The following ZNF43 variants were observed in gnomAD, a reference collection of about 807,000 sequenced individuals.
ZNF43 encodes the protein zinc finger protein 43.
In ZNF43, 44 loss-of-function variants were observed where a neutral mutation model predicts 68.4. That is an observed-to-expected ratio of 0.64 (90% CI 0.51 to 0.83). The LOEUF (loss-of-function observed/expected upper bound fraction) is 0.83. Among genes scored for constraint, ZNF43 ranks in the 40% least tolerant of loss-of-function variants. ZNF43 has a pLI of 0.00. For missense variants in ZNF43, 896 were observed against 933.2 expected (o/e 0.96, Z 0.52); for synonymous variants, 308 against 307.8 (o/e 1.00, Z -0.01).
chr19:21,842,407 CA>C (rs34565458), intron 1 of ZNF43, among the ~76,000 whole-genome samples: 51,141 of 117,376 alleles, frequency 0.44, 10,940 homozygotes, highest in African/African-American at 0.65. Context: ...GACTCCATCT[CA>C]AAAAAAAAAA....
In ZNF43 at chr19:21,815,138, G is replaced by A. The variant is rs149227899; in HGVS notation, c.229+2750C>T. Among the ~76,000 whole-genome samples, 345 of 151,144 alleles carry A rather than the reference G, an allele frequency of 2.3e-3. 16 individuals are homozygous for A. In the East Asian group the frequency reaches 0.06, roughly 26 times the overall value. On this transcript the variant is annotated intron_variant, in intron 3 of 3. Transcript: ENST00000354959. ...GGAGGGGCGGAGGTTGCAGTGAGCCGAGATCATGCCATTGCACTCCAGCCT... is the reference window on the plus strand; with the variant it reads ...GGAGGGGCGGAGGTTGCAGTGAGCCAAGATCATGCCATTGCACTCCAGCCT...
At chr19:21,827,999 C>T (rs1184627562) in intron 1 of ZNF43, among the ~76,000 whole-genome samples, 1 of 152,028 alleles carries the variant, frequency 6.6e-6, no homozygotes, top group Non-Finnish European at 1.5e-5. Context: ...GCCACCTGAC[C>T]TGTTTTTATC....
intron 3 of ZNF43, chr19:21,812,152 A>T (rs1432840021): frequency 2.7e-6 from 1 of 374,716 alleles, no homozygotes; most frequent in Non-Finnish European, 4.7e-6. Flanking sequence ...TTTGAGACGG[A>T]GTCTCACTCT....
intron 1 of ZNF43, among the ~76,000 whole-genome samples, chr19:21,845,221 C>G (rs1273220989): frequency 2.6e-5 from 4 of 152,008 alleles, no homozygotes; most frequent in African/African-American, 9.7e-5. Flanking sequence ...TATCTGGTTG[C>G]TGATCCCAGT....
At chr19:21,824,759 GAAAGAAA>G (rs2038031581) in intron 1 of ZNF43, among the ~76,000 whole-genome samples, 1 of 142,862 alleles carries the variant, frequency 7.0e-6, no homozygotes, top group Non-Finnish European at 1.5e-5. Flanking sequence ...AAAGAAAAAA[GAAAGAAA>G]AAAGAAATCT....
At chr19:21,840,448 C>T (rs978053277), upstream of ZNF43, 22 of 152,258 alleles carry the variant, frequency 1.4e-4, no homozygotes, top group African/African-American at 4.8e-4. Context: ...ACACAAGTCA[C>T]AATCTCAACG....
At chr19:21,828,367 C>T (rs987405540) in intron 1 of ZNF43, among the ~76,000 whole-genome samples, 9 of 151,978 alleles carry the variant, frequency 5.9e-5, no homozygotes, top group Non-Finnish European at 1.2e-4. Flanking sequence ...ACCACAAGGT[C>T]AGGAGATTGA....
At chr19:21,818,778 C>T (rs1023780052) in intron 2 of ZNF43, among the ~76,000 whole-genome samples, 1 of 152,070 alleles carries the variant, frequency 6.6e-6, no homozygotes, top group Non-Finnish European at 1.5e-5. Flanking sequence ...CTTAATTTCA[C>T]TACCTGGTAA....
chr19:21,817,298 AT>A (rs999475480), intron 3 of ZNF43, among the ~76,000 whole-genome samples: 1 of 152,028 alleles, frequency 6.6e-6, no homozygotes, highest in Non-Finnish European at 1.5e-5. Context: ...TTCCAGTGGG[AT>A]TTTTTTCACA....
intron 1 of ZNF43, among the ~76,000 whole-genome samples, chr19:21,831,347 A>AT (rs1013358211): frequency 1.1e-4 from 17 of 149,662 alleles, no homozygotes; most frequent in South Asian, 2.1e-4. Flanking sequence ...TCAGCAGAAA[A>AT]TTTTTTTTTT....
chr19:21,829,294 T>C (rs1174208296), intron 1 of ZNF43, among the ~76,000 whole-genome samples: 5 of 152,116 alleles, frequency 3.3e-5, no homozygotes, highest in African/African-American at 1.2e-4. Flanking sequence ...GTTTACACAC[T>C]GAACTGTTCT....
chr19:21,846,610 G>A (rs557734584), intron 1 of ZNF43, among the ~76,000 whole-genome samples: 1 of 152,120 alleles, frequency 6.6e-6, no homozygotes, highest in African/African-American at 2.4e-5. Flanking sequence ...ATGTGAGCAG[G>A]GCCAAGAAAA....
chr19:21,819,903 A>G (rs925446565), intron 1 of ZNF43, among the ~76,000 whole-genome samples: 3 of 152,090 alleles, frequency 2.0e-5, no homozygotes, highest in Non-Finnish European at 4.4e-5. Flanking sequence ...TTGCATAAAG[A>G]TTCTTAATAA....
chr19:21,818,030 T>C, intron 2 of ZNF43, 44 bp from the exon 3 acceptor site: 1 of 1,560,192 alleles, frequency 6.4e-7, no homozygotes, highest in Non-Finnish European at 8.8e-7. Context: ...GCTCATATTC[T>C]CCCATTATTA....
chr19:21,828,231 A>G (rs2038229508), intron 1 of ZNF43, among the ~76,000 whole-genome samples: 1 of 152,240 alleles, frequency 6.6e-6, no homozygotes, highest in South Asian at 2.1e-4. Context: ...AATTGTTTGT[A>G]ACCATATTTC....
chr19:21,832,831 C>A (rs767263630), intron 1 of ZNF43, among the ~76,000 whole-genome samples: 2 of 151,790 alleles, frequency 1.3e-5, no homozygotes, highest in Non-Finnish European at 2.9e-5. Flanking sequence ...TGCCACTGCA[C>A]TCTAGTGGGG....
chr19:21,805,833 C>T lies in ZNF43; in HGVS notation c.*1774G>A, dbSNP rs546713452. On this transcript the variant is annotated 3_prime_UTR_variant, in exon 4 of 4. Transcript: ENST00000354959. Reference sequence around the variant, plus strand: ...TAGAAATGTTAGTCCATTATGTTACCAAATAGTATATTGTTACCATCTTTT... The same window carrying T: ...TAGAAATGTTAGTCCATTATGTTACTAAATAGTATATTGTTACCATCTTTT... 6.6e-6 allele frequency: 1 copy of T among 151,888 alleles called. No individual in the cohort carries two copies. The highest frequency in any genetic ancestry group is 1.9e-4 in the East Asian group (1 of 5,172). The allele number at this position is 151,888 out of a possible 1,614,324, so 9.4% of individuals were successfully genotyped here.
intron 1 of ZNF43, among the ~76,000 whole-genome samples, chr19:21,821,389 T>G (rs1319552124): frequency 1.3e-5 from 2 of 152,128 alleles, no homozygotes; most frequent in Non-Finnish European, 2.9e-5. Flanking sequence ...TAATTTTTAA[T>G]AGTAATTTTT....
chr19:21,824,724 T>A (rs2038024016), intron 1 of ZNF43, among the ~76,000 whole-genome samples: 1 of 116,260 alleles, frequency 8.6e-6, no homozygotes, highest in East Asian at 2.3e-4. Flanking sequence ...TAAAATAATA[T>A]GTTTACCTAA....
Sources: allele counts gnomAD v4.1 joint callset (sites outside exome capture counted in the v4.1 genomes callset), GRCh38; gene constraint gnomAD v4.1.1; transcripts MANE v1.5; gene names NCBI Gene and HGNC (gene_info 2026-07-23, HGNC 2026-07-21).